The following ABCB11 variants were observed in gnomAD, a reference collection of about 807,000 sequenced individuals.
ABCB11 encodes the protein bile salt export pump.
In ABCB11, 95 loss-of-function variants were observed where a neutral mutation model predicts 148.0. The ratio of observed to expected loss-of-function variants is 0.64; its 90% confidence interval spans 0.54 to 0.76. The LOEUF is 0.76. Among genes scored for constraint, ABCB11 ranks in the 30% least tolerant of loss-of-function variants. The probability of loss-of-function intolerance (pLI) is 0.00; values close to 1 mark genes in which losing one functional copy is unlikely to be tolerated. For missense variants in ABCB11, 1,523 were observed against 1,617.8 expected (o/e 0.94, Z 1.01); for synonymous variants, 591 against 555.4 (o/e 1.06, Z -0.90).
intron 9 of ABCB11, among the ~76,000 whole-genome samples, chr2:168,988,804 T>C (rs1694416661): frequency 6.6e-6 from 1 of 152,146 alleles, no homozygotes; most frequent in Non-Finnish European, 1.5e-5. Context: ...ATAATGGCCA[T>C]TCTTACAGGT....
At chr2:168,993,623 C>T in intron 8 of ABCB11, 88 bp downstream of exon 8, 2 of 1,249,080 alleles carry the variant, frequency 1.6e-6, no homozygotes, top group Non-Finnish European at 2.2e-6. Flanking sequence ...GCTAACTGTA[C>T]TCAGGAAAAG....
chr2:168,956,995 C>T (rs1398341602), intron 19 of ABCB11, among the ~76,000 whole-genome samples: 1 of 151,662 alleles, frequency 6.6e-6, no homozygotes, highest in African/African-American at 2.4e-5. Flanking sequence ...TGGTGCTTCC[C>T]ATCCCTTGTT....
Position 168,922,540 on chromosome 2 carries a change from T to G in ABCB11, c.*1082A>C, listed in dbSNP as rs764053791. 6.6e-6 allele frequency among the ~76,000 whole-genome samples: 1 copy of G among 152,180 alleles called. No homozygotes were observed. Among genetic ancestry groups the G allele is most frequent in the Non-Finnish European group, 1.5e-5 (1 of 68,026 alleles). ...TAGGGGTCTGTGGTACAAAACAGGATGTTTCTAGGCTCCCCCAACTAACAG... is the reference window on the plus strand; with the variant it reads ...TAGGGGTCTGTGGTACAAAACAGGAGGTTTCTAGGCTCCCCCAACTAACAG... On this transcript the variant is annotated 3_prime_UTR_variant, in exon 28 of 28. Coordinates refer to ENST00000650372, the MANE Select transcript of ABCB11 (RefSeq NM_003742.4).
intron 1 of ABCB11, among the ~76,000 whole-genome samples, chr2:169,024,323 A>G (rs1695626367): frequency 6.6e-6 from 1 of 152,248 alleles, no homozygotes; most frequent in African/African-American, 2.4e-5. Flanking sequence ...CATCTTAAGC[A>G]GCATACCACT....
chr2:168,959,983 A>AG (rs1242320065), intron 18 of ABCB11, among the ~76,000 whole-genome samples: 1 of 150,396 alleles, frequency 6.6e-6, no homozygotes, highest in African/African-American at 2.4e-5. Flanking sequence ...ACTGTGATTC[A>AG]GGATGCTCAT....
intron 19 of ABCB11, among the ~76,000 whole-genome samples, chr2:168,946,148 A>T (rs192855035): frequency 1.3e-5 from 2 of 152,070 alleles, no homozygotes; most frequent in East Asian, 3.9e-4. Flanking sequence ...TTTGTAATTT[A>T]GGCCAGGTGA....
intron 5 of ABCB11, among the ~76,000 whole-genome samples, chr2:169,012,920 A>G (rs754360914): frequency 2.8e-4 from 43 of 151,782 alleles, no homozygotes; most frequent in Admixed American, 5.3e-4. Context: ...GGTGGGGGGG[A>G]AAAATAGAAC....
At chr2:168,950,731 TGTTTA>T (rs892692103) in intron 19 of ABCB11, among the ~76,000 whole-genome samples, 7 of 152,006 alleles carry the variant, frequency 4.6e-5, no homozygotes, top group Admixed American at 2.0e-4. Flanking sequence ...GTAAGTTGTT[TGTTTA>T]CTCTGTTGAC....
intron 4 of ABCB11, 68 bp downstream of exon 4, chr2:169,014,231 TAACA>T: frequency 1.3e-4 from 186 of 1,434,642 alleles, no homozygotes; most frequent in Non-Finnish European, 1.7e-4. Context: ...ACTAAAGATT[TAACA>T]CTCCCCTCAT....
intron 3 of ABCB11, 100 bp from the exon 4 acceptor site, chr2:169,014,454 A>G: frequency 1.7e-6 from 2 of 1,179,078 alleles, no homozygotes; most frequent in South Asian, 2.7e-5. Context: ...AGTAAGAAAG[A>G]AAATCCCCAC....
chr2:168,970,509 G>A (rs36011224), intron 14 of ABCB11: 63 of 554,304 alleles, frequency 1.1e-4, no homozygotes, highest in Admixed American at 1.1e-3. Flanking sequence ...AATTGGTCAC[G>A]GTCCTAAATA....
chr2:168,974,317 C>T (rs1384876509), intron 12 of ABCB11, among the ~76,000 whole-genome samples: 1 of 151,942 alleles, frequency 6.6e-6, no homozygotes, highest in South Asian at 2.1e-4. Flanking sequence ...TATGAACATA[C>T]CATTTGAATA....
intron 21 of ABCB11, among the ~76,000 whole-genome samples, chr2:168,941,198 C>A: frequency 6.6e-6 from 1 of 151,906 alleles, no homozygotes. Context: ...TCTGAGGGAA[C>A]TGGGCAAAGT....
At chr2:168,995,976 A>T (rs893669002) in intron 6 of ABCB11, among the ~76,000 whole-genome samples, 4 of 27,026 alleles carry the variant, frequency 1.5e-4, no homozygotes, top group Admixed American at 7.3e-4. Flanking sequence ...TTCCCTAACT[A>T]AAAAAAAAAA....
chr2:168,925,889 G>A (rs950963877), intron 26 of ABCB11, among the ~76,000 whole-genome samples: 10 of 152,162 alleles, frequency 6.6e-5, no homozygotes, highest in Admixed American at 4.6e-4. Flanking sequence ...GGGTTTGTGG[G>A]ATAAATGAAT....
intron 2 of ABCB11, among the ~76,000 whole-genome samples, chr2:169,017,331 G>C (rs1695394467): frequency 6.6e-6 from 1 of 151,816 alleles, no homozygotes; most frequent in Admixed American, 6.6e-5. Flanking sequence ...ATAGATGCAG[G>C]GCAGGAGGTG....
In ABCB11 at chr2:168,923,222, C is replaced by A. The variant is rs902869363; in HGVS notation, c.*400G>T. On this transcript the variant is annotated 3_prime_UTR_variant, in exon 28 of 28. Coordinates refer to ENST00000650372, the MANE Select transcript of ABCB11 (RefSeq NM_003742.4). ...TGTTATAGACCCGCCTCTGTGTACA[C>A]CGAGGGTTCAAAAATGAAAGACAGT... The A allele has an allele frequency of 1.4e-5, 3 of 207,120 alleles. No homozygotes were observed. Among genetic ancestry groups the A allele is most frequent in the African/African-American group, 4.6e-5 (2 of 43,566 alleles). 12.8% of individuals were successfully genotyped at this position (207,120 alleles called of 1,614,324 possible). A position where few individuals can be genotyped will look rare whatever the true frequency, so the allele number is the denominator to read the frequency against.
rs1046595221 is a variant in ABCB11 at position 168,921,948 on chromosome 2, A to G, written c.*1674T>C. Among the ~76,000 whole-genome samples, 2 of 147,220 alleles carry G rather than the reference A, an allele frequency of 1.4e-5. No individual in the cohort carries two copies. The highest frequency in any genetic ancestry group is 6.9e-5 in the Admixed American group (1 of 14,504). ...ACTGCAAGCTCCACCTCCCGGGTTC[A>G]CGCCATTCTCCTGCCTCAGCCTCCT... On this transcript the variant is annotated 3_prime_UTR_variant, in exon 28 of 28. Transcript: ENST00000650372.
Position 169,014,335 on chromosome 2 carries a change from C to A in ABCB11, c.118G>T (p.Gly40Cys), listed in dbSNP as rs981877922. The A allele has an allele frequency of 6.2e-7, 1 of 1,613,412 alleles. No homozygotes were observed. Among genetic ancestry groups the A allele is most frequent in the Non-Finnish European group, 8.5e-7 (1 of 1,179,560 alleles). Reference protein sequence around the residue: ...KKSRLQDEKKGDGVRVGFFQL... With the variant: ...KKSRLQDEKKCDGVRVGFFQL... The stretch of plus-strand genomic sequence containing the variant: ...AAGAAGCCAACTCTAACGCCATCAC[C>A]TTTCTTCTCATCTTGTAACCTGATG... Residue 40 changes from glycine to cysteine, a missense_variant, in exon 4 of 28, where the codon GGT becomes TGT. Coordinates refer to ENST00000650372, the MANE Select transcript of ABCB11 (RefSeq NM_003742.4).
Sources: gnomAD v4.1 joint callset for allele counts (sites outside exome capture counted in the v4.1 genomes callset) on GRCh38, gnomAD v4.1.1 for gene constraint, MANE v1.5 for transcripts, NCBI Gene and HGNC (gene_info 2026-07-23, HGNC 2026-07-21) for gene names.